The following LRMDA variants were observed in gnomAD, a reference collection of about 807,000 sequenced individuals.
LRMDA encodes the protein leucine rich melanocyte differentiation associated.
LRMDA carries 18 observed loss-of-function variants against 29.8 expected under a neutral mutation model. The ratio of observed to expected loss-of-function variants is 0.60; its 90% CI spans 0.42 to 0.90. LRMDA has a LOEUF of 0.90. Among genes scored for constraint, LRMDA ranks in the 40% least tolerant of loss-of-function variants. The pLI, the probability that LRMDA is intolerant of heterozygous loss-of-function variation, is 0.00. For missense variants in LRMDA, 273 were observed against 273.9 expected (o/e 1.00, Z 0.02); for synonymous variants, 125 against 109.4 (o/e 1.14, Z -0.89).
chr10:76,037,976 G>T (rs1848280532), intron 3 of LRMDA, among the ~76,000 whole-genome samples: 1 of 152,136 alleles, frequency 6.6e-6, no homozygotes, highest in Non-Finnish European at 1.5e-5. Flanking sequence ...CCCTTCTTAT[G>T]TCTGTTAGTC....
At chr10:76,103,999 G>A (rs1031370479) in intron 5 of LRMDA, among the ~76,000 whole-genome samples, 1 of 151,170 alleles carries the variant, frequency 6.6e-6, no homozygotes, top group Non-Finnish European at 1.5e-5. Context: ...AGTGAATGGA[G>A]ATCATGCCAC....
At chr10:76,262,413 C>A (rs1839956222) in intron 5 of LRMDA, among the ~76,000 whole-genome samples, 2 of 152,134 alleles carry the variant, frequency 1.3e-5, no homozygotes, top group African/African-American at 4.8e-5. Flanking sequence ...GTGAAAAGAA[C>A]AAAGTGGGGT....
Position 76,558,840 on chromosome 10 carries a change from A to AGAT in LRMDA, c.*1553_*1555dup, listed in dbSNP as rs1287086903. 1 of 152,234 alleles carries AGAT rather than the reference A, an allele frequency of 6.6e-6. No homozygotes were observed. Among genetic ancestry groups the AGAT allele is most frequent in the African/African-American group, 2.4e-5 (1 of 41,456 alleles). 9.4% of individuals were successfully genotyped at this position (152,234 alleles called of 1,614,324 possible). ...TGAGGCTGGCAGGAGTCCCTGTTTG[A>AGAT]GATTACACAACCTTTGTTAATCAGT... On this transcript the variant is annotated 3_prime_UTR_variant, in exon 7 of 7. Transcript: ENST00000611255.
chr10:75,484,749 A>G (rs1471933733), intron 2 of LRMDA, among the ~76,000 whole-genome samples: 1 of 152,242 alleles, frequency 6.6e-6, no homozygotes, highest in Non-Finnish European at 1.5e-5. Flanking sequence ...TGCACAGAGA[A>G]GAGGCTGTGT....
chr10:76,050,867 C>T (rs759004009), intron 4 of LRMDA, among the ~76,000 whole-genome samples: 1 of 152,134 alleles, frequency 6.6e-6, no homozygotes, highest in Non-Finnish European at 1.5e-5. Context: ...CAAGTCTGGA[C>T]TTCACCTTTC....
chr10:76,260,113 T>G (rs573715708), intron 5 of LRMDA, among the ~76,000 whole-genome samples: 1 of 152,174 alleles, frequency 6.6e-6, no homozygotes, highest in Non-Finnish European at 1.5e-5. Context: ...CTTACTCTTG[T>G]CATTTTATTC....
intron 6 of LRMDA, among the ~76,000 whole-genome samples, chr10:76,378,864 T>TG (rs1407582466): frequency 4.8e-5 from 7 of 145,016 alleles, no homozygotes; most frequent in African/African-American, 1.8e-4. Flanking sequence ...TTTTCTTTTT[T>TG]TTTTTTTTTT....
intron 2 of LRMDA, among the ~76,000 whole-genome samples, chr10:75,460,245 C>T (rs998726487): frequency 9.9e-5 from 15 of 152,072 alleles, no homozygotes; most frequent in Non-Finnish European, 1.8e-4. Context: ...AATGTGATTG[C>T]GTAAGTTAAT....
In LRMDA at chr10:75,644,988, C is replaced by CT. The variant is rs139813398; in HGVS notation, c.131+206510dup. Among the ~76,000 whole-genome samples the CT allele has an allele frequency of 1.9e-3, 278 of 143,820 alleles. 4 individuals carry two copies. Among genetic ancestry groups the CT allele is most frequent in the African/African-American group, 5.0e-3 (196 of 39,246 alleles). 94.4% of individuals were successfully genotyped at this position (143,820 alleles called of 152,430 possible). On this transcript the variant is annotated intron_variant, in intron 2 of 6. Coordinates refer to ENST00000611255, the MANE Select transcript of LRMDA (RefSeq NM_001305581.2). The stretch of plus-strand genomic sequence containing the variant: ...CTTTCTCTGTGTTACTTATTTTACT[C>CT]TTTTTTTTTTTTTTTTGAGACAGGG...
intron 2 of LRMDA, among the ~76,000 whole-genome samples, chr10:75,680,897 TC>T (rs1227538690): frequency 6.6e-6 from 1 of 152,146 alleles, no homozygotes; most frequent in Non-Finnish European, 1.5e-5. Context: ...TGTAACTTAG[TC>T]ATATAATTGT....
chr10:76,170,160 G>A (rs774370863), intron 5 of LRMDA, among the ~76,000 whole-genome samples: 4 of 152,302 alleles, frequency 2.6e-5, no homozygotes, highest in Non-Finnish European at 4.4e-5. Flanking sequence ...TGGAAAAGTA[G>A]GAACAGTCTC....
At chr10:75,843,737 C>A (rs896095071) in intron 2 of LRMDA, among the ~76,000 whole-genome samples, 2 of 152,188 alleles carry the variant, frequency 1.3e-5, no homozygotes, top group Non-Finnish European at 2.9e-5. Context: ...GAAACTCAGA[C>A]CCCTTAAGGT....
At chr10:76,199,145 C>T (rs752146058) in intron 5 of LRMDA, among the ~76,000 whole-genome samples, 9 of 152,064 alleles carry the variant, frequency 5.9e-5, no homozygotes, top group Non-Finnish European at 1.0e-4. Context: ...TCATCTGTGT[C>T]GTTCTAATAT....
intron 2 of LRMDA, among the ~76,000 whole-genome samples, chr10:75,439,250 A>G (rs911008091): frequency 6.6e-6 from 1 of 152,220 alleles, no homozygotes; most frequent in Non-Finnish European, 1.5e-5. Context: ...GGGGTCAGGC[A>G]GGACGATTGC....
intron 2 of LRMDA, among the ~76,000 whole-genome samples, chr10:75,472,372 C>T (rs146695666): frequency 7.4e-4 from 112 of 152,270 alleles, no homozygotes; most frequent in Middle Eastern, 3.4e-3. Flanking sequence ...ATTTAATCCT[C>T]GTAACGACCC....
At chr10:75,773,362 A>T (rs1021719218) in intron 2 of LRMDA, among the ~76,000 whole-genome samples, 2 of 152,132 alleles carry the variant, frequency 1.3e-5, no homozygotes, top group Non-Finnish European at 2.9e-5. Context: ...GAGCAATTTG[A>T]TGGGTTCTTA....
At chr10:76,455,799 C>A (rs1484995091) in intron 6 of LRMDA, among the ~76,000 whole-genome samples, 2 of 152,022 alleles carry the variant, frequency 1.3e-5, no homozygotes, top group Non-Finnish European at 2.9e-5. Flanking sequence ...CTTCTGGGAC[C>A]ATCCTACTTA....
chr10:76,341,569 T>G (rs1464765498), intron 6 of LRMDA, among the ~76,000 whole-genome samples: 3 of 152,230 alleles, frequency 2.0e-5, no homozygotes, highest in African/African-American at 7.2e-5. Context: ...TATGAAAGAA[T>G]GACTTATTAT....
chr10:75,552,402 C>A, intron 2 of LRMDA: 2 of 258,494 alleles, frequency 7.7e-6, no homozygotes, highest in Non-Finnish European at 8.3e-6. Context: ...TCATTCTTAG[C>A]TTTGTTCTGT....
Sources: gnomAD v4.1 joint callset for allele counts (sites outside exome capture counted in the v4.1 genomes callset) on GRCh38, gnomAD v4.1.1 for gene constraint, MANE v1.5 for transcripts, NCBI Gene and HGNC (gene_info 2026-07-23, HGNC 2026-07-21) for gene names.